The following C5 variants were observed in gnomAD, a reference collection of about 807,000 sequenced individuals.
The protein encoded by C5 is C3 and PZP-like alpha-2-macroglobulin domain-containing protein 4.
In C5, 140 loss-of-function variants were observed where a neutral mutation model predicts 218.8. The observed-to-expected ratio is 0.64, with a 90% CI of 0.56 to 0.74. C5 has a LOEUF of 0.74. Among genes scored for constraint, C5 ranks in the 30% least tolerant of loss-of-function variants. The pLI is 0.00. For missense variants in C5, 1,700 were observed against 1,969.6 expected (o/e 0.86, Z 2.59); for synonymous variants, 614 against 682.3 (o/e 0.90, Z 1.56).
chr9:121,063,905 C>T, the C5 span, among the ~76,000 whole-genome samples: 62 of 152,036 alleles, frequency 4.1e-4, 1 homozygote, highest in African/African-American at 1.4e-3. Context: ...GCAAAAATGC[C>T]TTCCAAAATC....
intron 17 of C5, among the ~76,000 whole-genome samples, chr9:121,013,029 C>T (rs2047274907): frequency 6.6e-6 from 1 of 152,050 alleles, no homozygotes; most frequent in Admixed American, 6.6e-5. Context: ...TTGTTAAAGA[C>T]TATACATAGG....
At position 121,025,586 on chromosome 9, in the gene C5, T is replaced by G. The variant is rs1379191162; in HGVS notation, c.874-6A>C. The G allele has an allele frequency of 6.2e-7, 1 of 1,611,218 alleles. No homozygotes were observed. The highest frequency in any genetic ancestry group is 8.5e-7 in the Non-Finnish European group (1 of 1,179,302). ...TGAGCAATTCCATTTATCAACTTTT[T>G]AAAAGGAGAAAAAGGAGGAGTTATT... is the stretch of plus-strand genomic sequence containing the variant. On this transcript the variant is annotated splice_polypyrimidine_tract_variant and splice_region_variant and intron_variant, in intron 8 of 40. Coordinates refer to ENST00000223642, the MANE Select transcript of C5 (RefSeq NM_001735.3).
At chr9:121,052,821 G>A (rs2047679310), upstream of C5, among the ~76,000 whole-genome samples, 1 of 152,066 alleles carries the variant, frequency 6.6e-6, no homozygotes. Flanking sequence ...ATATTCTTTA[G>A]TTATTTTGTA....
intron 20 of C5, among the ~76,000 whole-genome samples, chr9:121,002,279 TAC>T (rs1165206738): frequency 6.2e-4 from 77 of 124,952 alleles, no homozygotes; most frequent in Middle Eastern, 4.0e-3. Context: ...TATGTATATA[TAC>T]GTATATATGT....
chr9:121,047,949 C>T (rs2047641822), intron 1 of C5, among the ~76,000 whole-genome samples: 1 of 152,124 alleles, frequency 6.6e-6, no homozygotes, highest in South Asian at 2.1e-4. Context: ...TGTGTCATTA[C>T]AACCACTCTG....
Position 121,023,410 on chromosome 9 carries a change from G to T in C5, c.1110C>A (p.Pro370=). Residue 370 remains proline, a synonymous_variant, in exon 10 of 41, where the codon CCC becomes CCA. Transcript: ENST00000223642. ...PLFLKPGIPY[P]IKVQVKDSLD... is the part of the protein sequence containing the mutation. ...ACCCCCTCACCCAATCTACCTTGAT[G>T]GGATATGGAATCCCAGGCTTCAGGA... 1 of 1,590,454 alleles carries T rather than the reference G, an allele frequency of 6.3e-7. No individual in the cohort carries two copies. The highest frequency in any genetic ancestry group is 8.6e-7 in the Non-Finnish European group (1 of 1,158,486).
At chr9:121,055,000 T>C (rs749094650), upstream of C5, among the ~76,000 whole-genome samples, 2 of 152,184 alleles carry the variant, frequency 1.3e-5, no homozygotes, top group Non-Finnish European at 2.9e-5. Flanking sequence ...CATTACTTAC[T>C]ATTGACTTTA....
chr9:120,989,864 A>C, intron 23 of C5, 84 bp from the exon 24 acceptor site: 24 of 1,082,778 alleles, frequency 2.2e-5, no homozygotes, highest in Non-Finnish European at 2.9e-5. Context: ...ACAACCATCT[A>C]GAGATGGTTC....
chr9:121,065,073 A>AT, the C5 span, among the ~76,000 whole-genome samples: 80 of 63,896 alleles, frequency 1.3e-3, no homozygotes, highest in Non-Finnish European at 2.4e-3. Flanking sequence ...CCATCTAAAA[A>AT]AATATATATA....
chr9:120,972,441 G>A (rs901562824), intron 30 of C5, among the ~76,000 whole-genome samples: 4 of 152,068 alleles, frequency 2.6e-5, no homozygotes, highest in African/African-American at 9.7e-5. Context: ...TCTATCTTTG[G>A]TCCTCTCTGA....
At chr9:120,994,723 T>C (rs553337526) in intron 22 of C5, among the ~76,000 whole-genome samples, 1 of 152,250 alleles carries the variant, frequency 6.6e-6, no homozygotes, top group East Asian at 1.9e-4. Flanking sequence ...GCCTAAAATG[T>C]TAAGGGAAAA....
intron 17 of C5, among the ~76,000 whole-genome samples, chr9:121,010,158 T>C (rs185835984): frequency 6.6e-6 from 1 of 152,242 alleles, no homozygotes; most frequent in Non-Finnish European, 1.5e-5. Flanking sequence ...GAGAAGGAAA[T>C]AAAGGTCATC....
the C5 span, among the ~76,000 whole-genome samples, chr9:121,061,501 T>TC: frequency 2.0e-5 from 3 of 152,136 alleles, no homozygotes; most frequent in Admixed American, 2.0e-4. Flanking sequence ...TGAGCCAAGA[T>TC]CATACCACTG....
intron 20 of C5, among the ~76,000 whole-genome samples, chr9:120,998,193 C>A (rs986639739): frequency 2.0e-5 from 3 of 152,128 alleles, no homozygotes; most frequent in African/African-American, 7.2e-5. Context: ...TAAAATAATC[C>A]CTTAGATTCT....
Position 121,043,129 on chromosome 9 carries a change from A to G in C5, c.296T>C (p.Val99Ala). Reference protein sequence around the residue: ...PKQLPGGQNPVSYVYLEVVSK... With the variant: ...PKQLPGGQNPASYVYLEVVSK... ...TACAACTTCCAAATACACATAAGAA[A>G]CTGGGTTTTGTCCTCCAGGCAATTG... The change falls in exon 3 of 41, where the codon GTT becomes GCT. Residue 99 changes from valine (V) to alanine (A), a missense_variant. Transcript: ENST00000223642. The G allele has an allele frequency of 6.2e-7, 1 of 1,613,446 alleles. No homozygotes were observed.
At chr9:120,969,144 CAG>C in intron 32 of C5, 26 bp from the exon 33 acceptor site, 1 of 1,601,274 alleles carries the variant, frequency 6.2e-7, no homozygotes, top group Admixed American at 1.7e-5. Context: ...AGAAAACAAA[CAG>C]ACAAATATAA....
At chr9:120,961,642 C>A (rs2046828312) in intron 36 of C5, 77 bp from the exon 37 acceptor site, 1 of 898,646 alleles carries the variant, frequency 1.1e-6, no homozygotes, top group Admixed American at 1.8e-5. Flanking sequence ...AAGTGTCTTA[C>A]ATGGAGCCTC....
chr9:121,039,393 C>T (rs1287406207), intron 3 of C5, among the ~76,000 whole-genome samples: 1 of 152,084 alleles, frequency 6.6e-6, no homozygotes, highest in East Asian at 1.9e-4. Context: ...AATCCCAGCA[C>T]TTTGGGAGGC....
intron 39 of C5, among the ~76,000 whole-genome samples, chr9:120,954,072 C>G (rs1382538987): frequency 1.3e-5 from 2 of 152,156 alleles, no homozygotes; most frequent in African/African-American, 4.8e-5. Context: ...GGCTATGTGA[C>G]TCTGGGAAAA....
Sources: allele counts gnomAD v4.1 joint callset (sites outside exome capture counted in the v4.1 genomes callset), GRCh38; gene constraint gnomAD v4.1.1; transcripts MANE v1.5; gene names NCBI Gene and HGNC (gene_info 2026-07-23, HGNC 2026-07-21).